The following BLTP3B variants were observed in gnomAD, a reference collection of about 807,000 sequenced individuals.
BLTP3B encodes the protein UHRF1 (ICBP90) binding protein 1-like.
At chr12:100,079,712 T>C in the BLTP3B span, among the ~76,000 whole-genome samples, 4 of 152,094 alleles carry the variant, frequency 2.6e-5, no homozygotes, top group Non-Finnish European at 5.9e-5. Flanking sequence ...CCCAAGACAA[T>C]GGGGGAAAAT....
the BLTP3B span, among the ~76,000 whole-genome samples, chr12:100,061,395 C>T: frequency 1.3e-5 from 2 of 152,162 alleles, no homozygotes; most frequent in Non-Finnish European, 2.9e-5. Flanking sequence ...CGGTGGCTCA[C>T]GCCTGTAATC....
chr12:100,114,518 A>G, the BLTP3B span, among the ~76,000 whole-genome samples: 1 of 152,364 alleles, frequency 6.6e-6, no homozygotes, highest in East Asian at 1.9e-4. Context: ...TGTCCCTACA[A>G]GGATGAAATT....
chr12:100,120,155 T>C, the BLTP3B span, among the ~76,000 whole-genome samples: 2 of 152,092 alleles, frequency 1.3e-5, no homozygotes, highest in Non-Finnish European at 2.9e-5. Flanking sequence ...GGCGGGCGGA[T>C]CACCTGAGAT....
chr12:100,078,358 C>T, the BLTP3B span, among the ~76,000 whole-genome samples: 6 of 152,330 alleles, frequency 3.9e-5, no homozygotes, highest in South Asian at 1.2e-3. Context: ...ATGCCCACAT[C>T]ATGCTTCCAA....
chr12:100,083,125 T>G, the BLTP3B span: 1 of 1,611,874 alleles, frequency 6.2e-7, no homozygotes, highest in African/African-American at 1.3e-5. Context: ...TTTCAGAGGG[T>G]AGTCCTTCTC....
chr12:100,070,436 T>G, the BLTP3B span, among the ~76,000 whole-genome samples: 4 of 152,040 alleles, frequency 2.6e-5, no homozygotes, highest in African/African-American at 9.7e-5. Flanking sequence ...ATTTGGCATT[T>G]TTAGTAGACG....
At chr12:100,041,681 C>T in the BLTP3B span, among the ~76,000 whole-genome samples, 5 of 152,110 alleles carry the variant, frequency 3.3e-5, no homozygotes, top group East Asian at 3.9e-4. Context: ...GTGATCCACC[C>T]GCCTCGGCTT....
chr12:100,084,785 G>T, the BLTP3B span: 1 of 936,240 alleles, frequency 1.1e-6, no homozygotes, highest in Non-Finnish European at 1.5e-6. Flanking sequence ...AAATTTACAG[G>T]CTTCACCTAC....
At chr12:100,092,637 A>G in the BLTP3B span, 1 of 152,674 alleles carries the variant, frequency 6.5e-6, no homozygotes, top group Admixed American at 6.5e-5. Flanking sequence ...TAGTTTCCTA[A>G]TATATATGTA....
chr12:100,071,254 C>T, the BLTP3B span, among the ~76,000 whole-genome samples: 4 of 151,768 alleles, frequency 2.6e-5, no homozygotes, highest in Admixed American at 6.6e-5. Context: ...CCCAGCACTT[C>T]GGGAGGCTGA....
chr12:100,074,896 T>C, the BLTP3B span, among the ~76,000 whole-genome samples: 22 of 152,262 alleles, frequency 1.4e-4, no homozygotes, highest in Non-Finnish European at 2.1e-4. Flanking sequence ...TATAACTATC[T>C]GATCTTTGAC....
chr12:100,057,477 A>T, the BLTP3B span: 1 of 901,848 alleles, frequency 1.1e-6, no homozygotes, highest in Non-Finnish European at 1.6e-6. Flanking sequence ...AAGCATGGGT[A>T]CAGTTAACAA....
the BLTP3B span, among the ~76,000 whole-genome samples, chr12:100,062,140 C>A: frequency 6.6e-6 from 1 of 152,192 alleles, no homozygotes; most frequent in Admixed American, 6.6e-5. Flanking sequence ...CTGCTGAAGT[C>A]TTCATCTCGG....
chr12:100,103,621 A>G, the BLTP3B span, among the ~76,000 whole-genome samples: 1 of 152,200 alleles, frequency 6.6e-6, no homozygotes, highest in African/African-American at 2.4e-5. Context: ...ATCAAATGTT[A>G]CTGAAAGAAT....
the BLTP3B span, among the ~76,000 whole-genome samples, chr12:100,090,521 G>A: frequency 6.6e-6 from 1 of 151,938 alleles, no homozygotes; most frequent in South Asian, 2.1e-4. Context: ...ATTAACTAAA[G>A]ATAATTAAAG....
chr12:100,120,898 A>G, the BLTP3B span, among the ~76,000 whole-genome samples: 1 of 152,214 alleles, frequency 6.6e-6, no homozygotes, highest in Non-Finnish European at 1.5e-5. Flanking sequence ...CACAACCCAA[A>G]TATCTATCAA....
the BLTP3B span, among the ~76,000 whole-genome samples, chr12:100,068,752 AACATC>A: frequency 2.2e-4 from 34 of 152,256 alleles, no homozygotes; most frequent in Non-Finnish European, 5.0e-4. Context: ...AAAAATGCTC[AACATC>A]ACTAATGATC....
the BLTP3B span, among the ~76,000 whole-genome samples, chr12:100,043,023 T>C: frequency 6.6e-6 from 1 of 152,164 alleles, no homozygotes; most frequent in Non-Finnish European, 1.5e-5. Context: ...GGTCTTGAAC[T>C]CTCGACCTTA....
the BLTP3B span, among the ~76,000 whole-genome samples, chr12:100,044,936 G>A: frequency 6.6e-6 from 1 of 151,556 alleles, no homozygotes; most frequent in African/African-American, 2.4e-5. Flanking sequence ...AAAATCACAA[G>A]CATTCCTATA....
Sources: gnomAD v4.1 joint callset for allele counts (sites outside exome capture counted in the v4.1 genomes callset) on GRCh38, gnomAD v4.1.1 for gene constraint, MANE v1.5 for transcripts, NCBI Gene and HGNC (gene_info 2026-07-23, HGNC 2026-07-21) for gene names.